Variants in PDE4D observed in about 807,000 individuals in gnomAD.
The protein encoded by PDE4D is 3',5'-cyclic-AMP phosphodiesterase 4D.
A neutral mutation model predicts 87.4 loss-of-function variants in PDE4D; 24 were observed. The observed-to-expected ratio is 0.27, with a 90% CI of 0.20 to 0.39. The LOEUF (loss-of-function observed/expected upper bound fraction) is 0.39. PDE4D is among the 10% of genes least tolerant of loss of function. The pLI is 1.00. For synonymous variants in PDE4D, 384 were observed against 383.2 expected, an observed-to-expected ratio of 1.00 and a Z score of -0.02; for missense variants, 714 against 1,041.0, an observed-to-expected ratio of 0.69 and a Z score of 4.32.
chr5:59,577,908 A>T (rs1823440509), intron 1 of PDE4D, among the ~76,000 whole-genome samples: 1 of 152,176 alleles, frequency 6.6e-6, no homozygotes, highest in Non-Finnish European at 1.5e-5. Flanking sequence ...AGAGAATTTA[A>T]ATGTATAAAT....
intron 1 of PDE4D, among the ~76,000 whole-genome samples, chr5:59,673,418 TG>T (rs1747545619): frequency 6.6e-6 from 1 of 152,216 alleles, no homozygotes; most frequent in African/African-American, 2.4e-5. Context: ...GCTTCACTTT[TG>T]TCCTCAGTAA....
intron 11 of PDE4D, among the ~76,000 whole-genome samples, chr5:58,978,111 T>C (rs1046545002): frequency 6.6e-6 from 1 of 152,172 alleles, no homozygotes; most frequent in African/African-American, 2.4e-5. Context: ...AGCTACAAGA[T>C]AATCATTAAA....
At chr5:59,225,813 C>T (rs1753657844) in intron 1 of PDE4D, among the ~76,000 whole-genome samples, 1 of 150,210 alleles carries the variant, frequency 6.7e-6, no homozygotes, top group Non-Finnish European at 1.5e-5. Flanking sequence ...CCCCCAAAAC[C>T]CAATTGAAAC....
At chr5:59,317,179 G>C (rs968827157) in intron 1 of PDE4D, among the ~76,000 whole-genome samples, 1 of 152,162 alleles carries the variant, frequency 6.6e-6, no homozygotes, top group African/African-American at 2.4e-5. Context: ...CCTAGACGTT[G>C]AGAGCATCCA....
At chr5:59,091,984 A>C (rs796094438) in intron 5 of PDE4D, among the ~76,000 whole-genome samples, 2 of 152,118 alleles carry the variant, frequency 1.3e-5, no homozygotes, top group African/African-American at 4.8e-5. Flanking sequence ...CAAATGGTAA[A>C]ATGTTAGCAA....
chr5:60,153,719 C>T (rs1562158881), intron 2 of PDE4D, among the ~76,000 whole-genome samples: 1 of 152,052 alleles, frequency 6.6e-6, no homozygotes, highest in Admixed American at 6.6e-5. Flanking sequence ...TGCAACAACA[C>T]GTTTGAACCT....
intron 1 of PDE4D, among the ~76,000 whole-genome samples, chr5:60,468,629 A>T (rs1051796271): frequency 6.6e-6 from 1 of 151,652 alleles, no homozygotes; most frequent in Non-Finnish European, 1.5e-5. Context: ...TTTTTTTTTA[A>T]GAGTCAGGGT....
chr5:59,905,590 T>C (rs1180113809), intron 3 of PDE4D, among the ~76,000 whole-genome samples: 1 of 152,140 alleles, frequency 6.6e-6, no homozygotes, highest in Non-Finnish European at 1.5e-5. Context: ...ATGGGTTACA[T>C]TAACCTCTCT....
At chr5:59,745,462 A>T (rs2150694762) in intron 1 of PDE4D, among the ~76,000 whole-genome samples, 1 of 152,348 alleles carries the variant, frequency 6.6e-6, no homozygotes, top group African/African-American at 2.4e-5. Context: ...ATGTAAATCT[A>T]CGTTGGCAAG....
At chr5:59,688,987 C>T (rs1363970792) in intron 1 of PDE4D, among the ~76,000 whole-genome samples, 1 of 152,110 alleles carries the variant, frequency 6.6e-6, no homozygotes, top group Non-Finnish European at 1.5e-5. Flanking sequence ...GGATGAATTC[C>T]TGGACACATA....
intron 1 of PDE4D, among the ~76,000 whole-genome samples, chr5:59,363,173 T>G (rs1294756315): frequency 2.0e-5 from 3 of 152,222 alleles, no homozygotes; most frequent in Non-Finnish European, 4.4e-5. Flanking sequence ...ATCCATTTGG[T>G]TCTCATTTGA....
At chr5:59,227,213 T>C (rs576939564) in intron 1 of PDE4D, among the ~76,000 whole-genome samples, 4 of 152,270 alleles carry the variant, frequency 2.6e-5, no homozygotes, top group Admixed American at 2.6e-4. Flanking sequence ...CAAAGAGGAA[T>C]AGCGTCTTGT....
chr5:59,999,428 A>G lies in PDE4D; in HGVS notation c.43-10711T>C, dbSNP rs1763816084. ...ACCTGCAGTGGTACAGACAGACACC[A>G]GACGGAGAAGGAGATTAAAAGCTCT... On this transcript the variant is annotated intron_variant, in intron 2 of 16. Transcript: ENST00000502484. 2.6e-5 allele frequency among the ~76,000 whole-genome samples: 4 copies of G among 151,916 alleles called. No individual in the cohort carries two copies. In the South Asian group the frequency reaches 8.3e-4, roughly 32 times the overall value.
chr5:59,663,040 A>T (rs1745499449), intron 1 of PDE4D, among the ~76,000 whole-genome samples: 1 of 152,248 alleles, frequency 6.6e-6, no homozygotes, highest in African/African-American at 2.4e-5. Flanking sequence ...CCAAGGCTTC[A>T]CATTAAATTT....
intron 1 of PDE4D, among the ~76,000 whole-genome samples, chr5:59,855,754 G>A (rs1355705932): frequency 6.6e-6 from 1 of 152,018 alleles, no homozygotes; most frequent in East Asian, 1.9e-4. Flanking sequence ...TTTTTTGAAG[G>A]CAAGCCTGAA....
At chr5:59,674,667 C>T (rs1319856317) in intron 1 of PDE4D, among the ~76,000 whole-genome samples, 1 of 152,080 alleles carries the variant, frequency 6.6e-6, no homozygotes, top group African/African-American at 2.4e-5. Flanking sequence ...ATCCATCTTA[C>T]AGAAAGGGCA....
At chr5:60,284,136 T>C (rs1640185753) in intron 1 of PDE4D, among the ~76,000 whole-genome samples, 1 of 152,152 alleles carries the variant, frequency 6.6e-6, no homozygotes, top group South Asian at 2.1e-4. Context: ...AATAGTACAC[T>C]TTGGGAGCTT....
chr5:59,948,082 T>C (rs1757903413), intron 3 of PDE4D, among the ~76,000 whole-genome samples: 1 of 152,168 alleles, frequency 6.6e-6, no homozygotes, highest in African/African-American at 2.4e-5. Flanking sequence ...CTCAAAGAGA[T>C]GTAAAAAATG....
chr5:59,174,051 G>A (rs1000935626), intron 5 of PDE4D, among the ~76,000 whole-genome samples: 1 of 152,016 alleles, frequency 6.6e-6, no homozygotes, highest in African/African-American at 2.4e-5. Context: ...TCTTTCATTC[G>A]ATAAGCTCAA....
Sources: gnomAD v4.1 joint callset for allele counts (sites outside exome capture counted in the v4.1 genomes callset) on GRCh38, gnomAD v4.1.1 for gene constraint, MANE v1.5 for transcripts, NCBI Gene and HGNC (gene_info 2026-07-23, HGNC 2026-07-21) for gene names.